MALRD1: variants seen among roughly 807,000 people sequenced by gnomAD.
MALRD1 encodes the protein MAM and LDL receptor class A domain containing 1, also known as MAM and LDL-receptor class A domain-containing protein 1.
Under a neutral mutation model 242.1 loss-of-function variants are expected in MALRD1, and 247 were observed. The ratio of observed to expected loss-of-function variants is 1.02; its 90% CI spans 0.92 to 1.13. The LOEUF (loss-of-function observed/expected upper bound fraction) is 1.13, where lower values mean the gene tolerates loss of function less well. Ranked by LOEUF, MALRD1 falls within the 50% of genes most tolerant of loss-of-function variation. The pLI is 0.00. For missense variants in MALRD1, 2,989 were observed against 2,533.1 expected, an observed-to-expected ratio of 1.18 and a Z score of -3.86; for synonymous variants, 995 against 866.6, an observed-to-expected ratio of 1.15 and a Z score of -2.60.
intron 26 of MALRD1, among the ~76,000 whole-genome samples, chr10:19,364,325 G>C (rs1426207627): frequency 6.6e-6 from 1 of 152,042 alleles, no homozygotes; most frequent in African/African-American, 2.4e-5. Context: ...TAAGTGATTG[G>C]TAGGAATGAA....
chr10:19,193,864 A>T (rs1182998166), intron 14 of MALRD1, among the ~76,000 whole-genome samples: 1 of 151,784 alleles, frequency 6.6e-6, no homozygotes, highest in Non-Finnish European at 1.5e-5. Flanking sequence ...ATACACACAC[A>T]TATATATAAT....
At chr10:19,213,761 G>A (rs72786579) in intron 18 of MALRD1, among the ~76,000 whole-genome samples, 22,565 of 152,066 alleles carry the variant, frequency 0.15, 1,794 homozygotes, top group Middle Eastern at 0.2. Flanking sequence ...TTATCTTATT[G>A]AGTGCTGGAA....
intron 33 of MALRD1, among the ~76,000 whole-genome samples, chr10:19,568,364 TTG>T (rs1836352568): frequency 6.7e-6 from 1 of 150,368 alleles, no homozygotes; most frequent in South Asian, 2.1e-4. Flanking sequence ...GTTGTTGTTG[TTG>T]TTGTTTTTTC....
chr10:19,615,516 C>CAAAAAAAAAAAAAAAAAAAAA (rs530920512), intron 35 of MALRD1, among the ~76,000 whole-genome samples: 8 of 37,222 alleles, frequency 2.1e-4, no homozygotes, highest in African/African-American at 7.1e-4. Context: ...GACCCTGCCT[C>CAAAAAAAAAAAAAAAAAAAAA]AAAAAAAAAA....
intron 36 of MALRD1, among the ~76,000 whole-genome samples, chr10:19,686,423 A>G (rs1233567398): frequency 1.3e-5 from 2 of 152,082 alleles, no homozygotes; most frequent in African/African-American, 2.4e-5. Context: ...TTCCCTTACC[A>G]GTCCAACATC....
In MALRD1 at chr10:19,398,808, G is replaced by A. The variant is rs180978253; in HGVS notation, c.4845+9199G>A. Among the ~76,000 whole-genome samples, 12 of 152,300 alleles carry A rather than the reference G, an allele frequency of 7.9e-5. No homozygotes were observed. In the East Asian group the frequency reaches 2.3e-3, roughly 29 times the overall value. Reference sequence around the variant, plus strand: ...TTTCTTATATAAAAAAGCAATTCCAGTTTCTAAAATTTGAGATACATTAAG... The same window carrying A: ...TTTCTTATATAAAAAAGCAATTCCAATTTCTAAAATTTGAGATACATTAAG... On this transcript the variant is annotated intron_variant, in intron 28 of 39. Coordinates refer to ENST00000454679, the MANE Select transcript of MALRD1 (RefSeq NM_001142308.3).
intron 32 of MALRD1, among the ~76,000 whole-genome samples, chr10:19,533,054 G>T (rs970559406): frequency 2.0e-5 from 3 of 152,136 alleles, no homozygotes; most frequent in Non-Finnish European, 4.4e-5. Context: ...GCAAGCATCA[G>T]TGGAAAGGCC....
intron 22 of MALRD1, among the ~76,000 whole-genome samples, chr10:19,325,158 G>A (rs1010421220): frequency 6.0e-5 from 9 of 150,876 alleles, no homozygotes; most frequent in Admixed American, 2.6e-4. Flanking sequence ...CTCATTTACT[G>A]TTTTATATCA....
In MALRD1 at chr10:19,595,292, G is replaced by T; in HGVS notation, c.5779G>T (p.Glu1927Ter). 1 of 1,550,802 alleles carries T rather than the reference G, an allele frequency of 6.4e-7. No individual in the cohort carries two copies. Among genetic ancestry groups the T allele is most frequent in the South Asian group, 1.2e-5 (1 of 84,046 alleles). The stretch of plus-strand genomic sequence containing the variant: ...TCTCTCAGGGAAATGTGATGGACAT[G>T]AAGACTGCATAGATGGATCTGATGA... ...VPLSGKCDGH[E>*]DCIDGSDEMD... Residue 1927 changes from glutamate (E) to a stop codon, truncating the protein, a stop_gained, in exon 34 of 40, where the codon GAA (glutamate) becomes TAA (stop). Coordinates refer to ENST00000454679, the MANE Select transcript of MALRD1 (RefSeq NM_001142308.3). LOFTEE classifies it high-confidence loss of function.
chr10:19,383,296 A>T (rs1845916268), intron 26 of MALRD1, among the ~76,000 whole-genome samples: 1 of 152,142 alleles, frequency 6.6e-6, no homozygotes, highest in South Asian at 2.1e-4. Context: ...AAGTGAGAAC[A>T]TACGGTATTG....
intron 31 of MALRD1, among the ~76,000 whole-genome samples, chr10:19,516,700 C>T (rs1304494381): frequency 7.0e-6 from 1 of 142,910 alleles, no homozygotes; most frequent in East Asian, 2.0e-4. Context: ...TCCCTTCCTC[C>T]CTCCCTCCCT....
At chr10:19,073,846 G>A (rs4436459) in intron 2 of MALRD1, among the ~76,000 whole-genome samples, 80,820 of 151,902 alleles carry the variant, frequency 0.53, 21,611 homozygotes, top group Middle Eastern at 0.6. Context: ...AGAAAGAAAA[G>A]GGTACAAAAT....
At chr10:19,151,308 T>C (rs1445386578) in intron 11 of MALRD1, among the ~76,000 whole-genome samples, 1 of 152,142 alleles carries the variant, frequency 6.6e-6, no homozygotes, top group Non-Finnish European at 1.5e-5. Flanking sequence ...GTTTTTGTGT[T>C]ACTTTTAAAG....
chr10:19,697,983 C>G (rs889954938), intron 38 of MALRD1, among the ~76,000 whole-genome samples: 2 of 152,194 alleles, frequency 1.3e-5, no homozygotes, highest in African/African-American at 4.8e-5. Context: ...AGATGTCATT[C>G]ATTTCCAAGG....
At chr10:19,711,731 G>A (rs1438482771) in intron 38 of MALRD1, among the ~76,000 whole-genome samples, 1 of 152,162 alleles carries the variant, frequency 6.6e-6, no homozygotes, top group African/African-American at 2.4e-5. Context: ...CCAGGGGTTT[G>A]GTCTAGGCCC....
At chr10:19,714,076 T>C (rs1422303879) in intron 38 of MALRD1, among the ~76,000 whole-genome samples, 2 of 152,178 alleles carry the variant, frequency 1.3e-5, no homozygotes, top group South Asian at 4.1e-4. Flanking sequence ...CTCTTTCAGT[T>C]TAGCTGTCTG....
chr10:19,717,251 A>G (rs1323519011), intron 38 of MALRD1, among the ~76,000 whole-genome samples: 1 of 152,220 alleles, frequency 6.6e-6, no homozygotes, highest in Non-Finnish European at 1.5e-5. Context: ...CACGTGCTTC[A>G]GTATTCCACA....
intron 19 of MALRD1, among the ~76,000 whole-genome samples, chr10:19,271,900 C>T (rs1840266865): frequency 6.6e-6 from 1 of 152,114 alleles, no homozygotes. Context: ...ATACTACTCA[C>T]CTTGAGAGAT....
chr10:19,660,635 A>T (rs1318267018), intron 36 of MALRD1, among the ~76,000 whole-genome samples: 1 of 152,164 alleles, frequency 6.6e-6, no homozygotes, highest in Non-Finnish European at 1.5e-5. Context: ...GAGAGTAAAG[A>T]GCGATTGTCA....
Sources: gnomAD v4.1 joint callset for allele counts (sites outside exome capture counted in the v4.1 genomes callset) on GRCh38, gnomAD v4.1.1 for gene constraint, MANE v1.5 for transcripts, NCBI Gene and HGNC (gene_info 2026-07-23, HGNC 2026-07-21) for gene names.